Variants in ATRNL1 observed in about 807,000 individuals in gnomAD.
ATRNL1 encodes attractin like 1, also known as attractin-like protein 1.
Under a neutral mutation model 182.7 loss-of-function variants are expected in ATRNL1, and 95 were observed. That is an observed-to-expected ratio of 0.52 (90% CI 0.44 to 0.62). The LOEUF (loss-of-function observed/expected upper bound fraction) is 0.62. Among genes scored for constraint, ATRNL1 ranks in the 20% least tolerant of loss-of-function variants. The probability of loss-of-function intolerance (pLI) is 0.00; values close to 1 mark genes in which losing one functional copy is unlikely to be tolerated. For missense variants in ATRNL1, 1,471 were observed against 1,679.5 expected (o/e 0.88, Z 2.17); for synonymous variants, 576 against 568.3 (o/e 1.01, Z -0.19).
intron 28 of ATRNL1, among the ~76,000 whole-genome samples, chr10:115,866,166 AT>A (rs1951435877): frequency 6.6e-6 from 1 of 152,208 alleles, no homozygotes; most frequent in African/African-American, 2.4e-5. Flanking sequence ...AATGCTTTAG[AT>A]AATTAAGCAT....
chr10:115,643,379 TAAACA>T (rs782278570), intron 26 of ATRNL1, among the ~76,000 whole-genome samples: 13 of 152,056 alleles, frequency 8.5e-5, no homozygotes, highest in Non-Finnish European at 1.9e-4. Context: ...ATAAAATACC[TAAACA>T]AAACACAGGA....
At chr10:115,800,097 G>A (rs1949757648) in intron 27 of ATRNL1, among the ~76,000 whole-genome samples, 1 of 151,918 alleles carries the variant, frequency 6.6e-6, no homozygotes, top group Non-Finnish European at 1.5e-5. Flanking sequence ...GTGCGTGCCT[G>A]TAATCCCATC....
intron 10 of ATRNL1, among the ~76,000 whole-genome samples, chr10:115,256,271 CT>C (rs1221521711): frequency 1.3e-5 from 2 of 151,994 alleles, no homozygotes; most frequent in Non-Finnish European, 2.9e-5. Context: ...TGGTCCTGGA[CT>C]TTTTTTGTTT....
chr10:115,665,373 A>G (rs1220869289), intron 26 of ATRNL1, among the ~76,000 whole-genome samples: 1 of 152,178 alleles, frequency 6.6e-6, no homozygotes, highest in Non-Finnish European at 1.5e-5. Flanking sequence ...CAAAAAATTA[A>G]TAATTAACCA....
At chr10:115,858,145 G>T (rs1318477960) in intron 28 of ATRNL1, among the ~76,000 whole-genome samples, 2 of 152,138 alleles carry the variant, frequency 1.3e-5, no homozygotes, top group African/African-American at 4.8e-5. Context: ...ATTCCTCAAA[G>T]ATTTAGAACT....
At chr10:115,911,882 C>T (rs568123454) in intron 28 of ATRNL1, among the ~76,000 whole-genome samples, 64 of 152,256 alleles carry the variant, frequency 4.2e-4, no homozygotes, top group East Asian at 2.1e-3. Context: ...CGTGTTTCTC[C>T]CCGTTCCTCC....
chr10:115,713,797 A>T (rs540878668), intron 26 of ATRNL1, among the ~76,000 whole-genome samples: 1 of 152,052 alleles, frequency 6.6e-6, no homozygotes, highest in African/African-American at 2.4e-5. Context: ...CTGTCTAGTC[A>T]TCAGTTGCTG....
chr10:115,786,363 C>T (rs1949396721), intron 27 of ATRNL1, among the ~76,000 whole-genome samples: 1 of 152,088 alleles, frequency 6.6e-6, no homozygotes. Flanking sequence ...TTTCACAGTT[C>T]TGGAGGCCAG....
intron 26 of ATRNL1, among the ~76,000 whole-genome samples, chr10:115,635,314 G>A (rs1555027694): frequency 3.4e-5 from 5 of 148,610 alleles, no homozygotes; most frequent in Non-Finnish European, 7.4e-5. Context: ...AGTGGGAAAA[G>A]TGGTAAAAAA....
At chr10:115,688,997 G>A (rs936963584) in intron 26 of ATRNL1, among the ~76,000 whole-genome samples, 1 of 152,034 alleles carries the variant, frequency 6.6e-6, no homozygotes, top group African/African-American at 2.4e-5. Flanking sequence ...ATAGGGGTCC[G>A]AGTTTCATTC....
intron 26 of ATRNL1, among the ~76,000 whole-genome samples, chr10:115,685,909 T>C (rs1374137553): frequency 4.0e-5 from 6 of 151,630 alleles, no homozygotes; most frequent in African/African-American, 1.4e-4. Context: ...TGCATAATGA[T>C]GAGAGTCTCA....
chr10:115,575,090 G>T (rs1854625743), intron 26 of ATRNL1, among the ~76,000 whole-genome samples: 1 of 151,990 alleles, frequency 6.6e-6, no homozygotes, highest in Non-Finnish European at 1.5e-5. Context: ...AGTGGAAAGT[G>T]CTTAAACACT....
chr10:115,149,295 T>A (rs2143885167), intron 5 of ATRNL1, among the ~76,000 whole-genome samples: 1 of 152,316 alleles, frequency 6.6e-6, no homozygotes, highest in Non-Finnish European at 1.5e-5. Flanking sequence ...GCTTCCAGCA[T>A]TCCAGCTTGC....
At chr10:115,548,719 A>G (rs532725475) in intron 25 of ATRNL1, among the ~76,000 whole-genome samples, 47 of 152,348 alleles carry the variant, frequency 3.1e-4, no homozygotes, top group African/African-American at 1.1e-3. Flanking sequence ...GACCACATGT[A>G]TGAACATTGT....
intron 25 of ATRNL1, among the ~76,000 whole-genome samples, chr10:115,540,370 A>G (rs1472163343): frequency 6.6e-6 from 1 of 152,134 alleles, no homozygotes; most frequent in Admixed American, 6.6e-5. Context: ...CTCCAGATGG[A>G]TAAAACAAAT....
intron 27 of ATRNL1, among the ~76,000 whole-genome samples, chr10:115,735,663 CT>C (rs1947929887): frequency 6.6e-6 from 1 of 152,152 alleles, no homozygotes; most frequent in Non-Finnish European, 1.5e-5. Context: ...TACTATGATA[CT>C]ACAAAGCTGA....
chr10:115,754,391 G>A (rs1321554179), intron 27 of ATRNL1, among the ~76,000 whole-genome samples: 1 of 152,026 alleles, frequency 6.6e-6, no homozygotes, highest in Non-Finnish European at 1.5e-5. Context: ...TTCTGCATAT[G>A]GCCAGCCAGT....
At chr10:115,160,999 A>G (rs1846758573) in intron 6 of ATRNL1, among the ~76,000 whole-genome samples, 1 of 151,956 alleles carries the variant, frequency 6.6e-6, no homozygotes, top group African/African-American at 2.4e-5. Context: ...TGAATTTCAG[A>G]TAAAAAACAA....
At chr10:115,622,612 A>G (rs1216618124) in intron 26 of ATRNL1, among the ~76,000 whole-genome samples, 2 of 152,162 alleles carry the variant, frequency 1.3e-5, no homozygotes, top group African/African-American at 4.8e-5. Flanking sequence ...AAACTGATGT[A>G]GTTGTATTAA....
Sources: allele counts gnomAD v4.1 joint callset (sites outside exome capture counted in the v4.1 genomes callset), GRCh38; gene constraint gnomAD v4.1.1; transcripts MANE v1.5; gene names NCBI Gene and HGNC (gene_info 2026-07-23, HGNC 2026-07-21).